Variants in CUX2 observed in about 807,000 individuals in gnomAD.
CUX2 encodes homeobox protein cut-like 2.
Under a neutral mutation model 144.8 loss-of-function variants are expected in CUX2, and 40 were observed. The observed-to-expected ratio is 0.28, with a 90% confidence interval of 0.21 to 0.36. CUX2 has a LOEUF of 0.36. Among genes scored for constraint, CUX2 ranks in the 10% least tolerant of loss-of-function variants. CUX2 has a pLI of 1.00. For synonymous variants in CUX2, 827 were observed against 875.6 expected (o/e 0.94, Z 0.98); for missense variants, 1,615 against 1,994.0 (o/e 0.81, Z 3.62).
chr12:111,295,004 C>T lies in CUX2; in HGVS notation c.561-329C>T, dbSNP rs1224266421. ...GGGGCTGAGCACACCACTGAGCATG[C>T]TTCACAGTACCCCCTGAGGCAGACC... On this transcript the variant is annotated intron_variant, in intron 6 of 21. Coordinates refer to ENST00000261726, the MANE Select transcript of CUX2 (RefSeq NM_015267.4). The surrounding 1 kb of genome is among the most constrained non-coding windows in gnomAD (Gnocchi z 5.0). 6.6e-6 allele frequency among the ~76,000 whole-genome samples: 1 copy of T among 152,124 alleles called. No homozygotes were observed. The highest frequency in any genetic ancestry group is 1.5e-5 in the Non-Finnish European group (1 of 68,026).
chr12:111,047,587 A>G (rs1431659813), intron 1 of CUX2, among the ~76,000 whole-genome samples: 3 of 152,016 alleles, frequency 2.0e-5, no homozygotes, highest in African/African-American at 7.3e-5. Context: ...GTGTCACCCT[A>G]TTTTGCAGCT....
Position 111,171,893 on chromosome 12 carries a change from G to A in CUX2, c.64-42307G>A, listed in dbSNP as rs139383405. On this transcript the variant is annotated intron_variant, in intron 1 of 21. Coordinates refer to ENST00000261726, the MANE Select transcript of CUX2 (RefSeq NM_015267.4). The surrounding 1 kb of genome is among the most constrained non-coding windows in gnomAD (Gnocchi z 5.0). ...AAATAAATAACCCATTTCCCAATGG[G>A]CAGGCAGCATATGCACTCTCTGTGT... Among the ~76,000 whole-genome samples, 33 of 152,340 alleles carry A rather than the reference G, an allele frequency of 2.2e-4. No individual in the cohort carries two copies. Among genetic ancestry groups the A allele is most frequent in the African/African-American group, 7.0e-4 (29 of 41,568 alleles).
intron 1 of CUX2, among the ~76,000 whole-genome samples, chr12:111,110,604 ATAGT>A (rs1472750705): frequency 2.0e-5 from 3 of 152,260 alleles, no homozygotes; most frequent in Non-Finnish European, 4.4e-5. Context: ...ATCTTTCAGC[ATAGT>A]TAATCAGAAT....
rs866977401 is a variant in CUX2 at position 111,298,587 on chromosome 12, C to A, written c.751C>A (p.Gln251Lys). 6.4e-7 allele frequency: 1 copy of A among 1,570,004 alleles called. No individual in the cohort carries two copies. Among genetic ancestry groups the A allele is most frequent in the Non-Finnish European group, 8.6e-7 (1 of 1,156,286 alleles). Reference protein sequence around the residue: ...LIMTNLEKANQRAEAAQREVE... With the variant: ...LIMTNLEKANKRAEAAQREVE... ...CATGACCAACCTGGAGAAAGCTAAT[C>A]AGGTGAGGAGGCGCAGTTCCCACCC... The change falls in exon 9 of 22, where the codon CAG becomes AAG. Residue 251 changes from glutamine to lysine, a missense_variant and splice_region_variant. By Grantham distance (53) the Gln-to-Lys change is moderately conservative. Coordinates refer to ENST00000261726, the MANE Select transcript of CUX2 (RefSeq NM_015267.4).
At chr12:111,267,761 A>G (rs78085062) in intron 4 of CUX2, among the ~76,000 whole-genome samples, 5,698 of 152,082 alleles carry the variant, frequency 0.037, 369 homozygotes, top group African/African-American at 0.13. Context: ...GCTTATGGCT[A>G]TATCACTCCA....
chr12:111,076,053 C>T (rs1420394772), intron 1 of CUX2, among the ~76,000 whole-genome samples: 1 of 152,208 alleles, frequency 6.6e-6, no homozygotes, highest in Admixed American at 6.5e-5. Flanking sequence ...AGTCACACAG[C>T]TAGTCAGTGG....
intron 1 of CUX2, among the ~76,000 whole-genome samples, chr12:111,181,010 A>C (rs1261806350): frequency 6.6e-6 from 1 of 152,220 alleles, no homozygotes; most frequent in Non-Finnish European, 1.5e-5. Context: ...CCAGGATGGC[A>C]TTTATTATCG....
At chr12:111,308,835 G>T (rs975120484) in intron 14 of CUX2, among the ~76,000 whole-genome samples, 3 of 152,178 alleles carry the variant, frequency 2.0e-5, no homozygotes, top group African/African-American at 7.2e-5. Flanking sequence ...GCAGGGCATT[G>T]TCATTACACC....
At chr12:111,342,628 A>C (rs1337778986) in intron 21 of CUX2, among the ~76,000 whole-genome samples, 1 of 152,106 alleles carries the variant, frequency 6.6e-6, no homozygotes, top group Non-Finnish European at 1.5e-5. Context: ...ATAGAGTTGC[A>C]CAGAGGATTT....
intron 1 of CUX2, among the ~76,000 whole-genome samples, chr12:111,189,481 T>C (rs1879748519): frequency 6.6e-6 from 1 of 152,224 alleles, no homozygotes; most frequent in Non-Finnish European, 1.5e-5. Flanking sequence ...TTGTTCCACA[T>C]TGCATTTGTA....
In CUX2 at chr12:111,126,542, T is replaced by C. The variant is rs565415565; in HGVS notation, c.64-87658T>C. On this transcript the variant is annotated intron_variant, in intron 1 of 21. Transcript: ENST00000261726. ...GAAAAGACTGCTGTCCTGGCTCAAG[T>C]AGACAGGCAGGAGGAACTTCCTCTT... Among the ~76,000 whole-genome samples, 3 of 152,290 alleles carry C rather than the reference T, an allele frequency of 2.0e-5. No homozygotes were observed. The South Asian group carries it at 6.2e-4, about 32-fold the overall frequency.
rs73414575 is a variant in CUX2, at chr12:111,249,437, C to T, written c.223-14324C>T. Among the ~76,000 whole-genome samples, 273 of 101,086 alleles carry T rather than the reference C, an allele frequency of 2.7e-3. 2 individuals are homozygous for T. Among genetic ancestry groups the T allele is most frequent in the African/African-American group, 1.0e-2 (187 of 18,762 alleles). 66.3% of individuals were successfully genotyped at this position (101,086 alleles called of 152,430 possible). A position where few individuals can be genotyped will look rare whatever the true frequency, so the allele number is the denominator to read the frequency against. ...TTTTTTTTTTTTAAATTAATAGACCCTTTTTTTGTTTTTTTTTTTTTTTTT... is the reference window on the plus strand; with the variant it reads ...TTTTTTTTTTTTAAATTAATAGACCTTTTTTTTGTTTTTTTTTTTTTTTTT... On this transcript the variant is annotated intron_variant, in intron 3 of 21. Coordinates refer to ENST00000261726, the MANE Select transcript of CUX2 (RefSeq NM_015267.4).
At chr12:111,232,378 C>A (rs981820109) in intron 3 of CUX2, among the ~76,000 whole-genome samples, 1 of 152,068 alleles carries the variant, frequency 6.6e-6, no homozygotes, top group Non-Finnish European at 1.5e-5. Context: ...GTGGTGCACA[C>A]CTGTAGTCCC....
chr12:111,230,587 A>G (rs1882419034), intron 3 of CUX2, among the ~76,000 whole-genome samples: 1 of 152,226 alleles, frequency 6.6e-6, no homozygotes, highest in Admixed American at 6.5e-5. Flanking sequence ...GCTTTAAAAA[A>G]TACTAAGACC....
chr12:111,105,525 A>G (rs1329279403), intron 1 of CUX2, among the ~76,000 whole-genome samples: 2 of 152,074 alleles, frequency 1.3e-5, no homozygotes, highest in South Asian at 2.1e-4. Context: ...GCACGTGTGC[A>G]TGTGAGCTCT....
In CUX2 at chr12:111,312,178, A is replaced by T; in HGVS notation, c.1979A>T (p.Lys660Met). The part of the protein sequence containing the change: ...AIKSILEQAK[K>M]EIESQKGGEP... ...AAGAGCATTCTAGAGCAGGCCAAGA[A>T]GGAGATCGAGTCGCAGAAGGGCGGT... Residue 660 changes from lysine to methionine, a missense_variant, in exon 16 of 22, where the codon AAG becomes ATG. Coordinates refer to ENST00000261726, the MANE Select transcript of CUX2 (RefSeq NM_015267.4). The surrounding 1 kb of genome is among the most constrained non-coding windows in gnomAD (Gnocchi z 4.3). 6.2e-7 allele frequency: 1 copy of T among 1,610,554 alleles called. No homozygotes were observed. The highest frequency in any genetic ancestry group is 8.5e-7 in the Non-Finnish European group (1 of 1,177,604).
At chr12:111,151,017 C>A (rs971300944) in intron 1 of CUX2, among the ~76,000 whole-genome samples, 1 of 152,194 alleles carries the variant, frequency 6.6e-6, no homozygotes, top group African/African-American at 2.4e-5. Flanking sequence ...AAGATAAACA[C>A]CCTTCCTATG....
intron 1 of CUX2, among the ~76,000 whole-genome samples, chr12:111,209,281 C>G (rs1592841411): frequency 6.6e-6 from 1 of 152,164 alleles, no homozygotes; most frequent in African/African-American, 2.4e-5. Flanking sequence ...CCTGTAGTCC[C>G]AGCTACCCAG....
chr12:111,224,993 C>T (rs1349889842), intron 3 of CUX2, among the ~76,000 whole-genome samples: 6 of 152,176 alleles, frequency 3.9e-5, no homozygotes, highest in African/African-American at 1.4e-4. Flanking sequence ...GCAACCTCCG[C>T]CTCCCAGGCT....
Sources: gnomAD v4.1 joint callset for allele counts (sites outside exome capture counted in the v4.1 genomes callset) on GRCh38, gnomAD v4.1.1 for gene constraint, Gnocchi (gnomAD v3.1) non-coding constraint, MANE v1.5 for transcripts, NCBI Gene and HGNC (gene_info 2026-07-23, HGNC 2026-07-21) for gene names.